The following PTPRJ variants were observed in gnomAD, a reference collection of about 807,000 sequenced individuals.
PTPRJ encodes receptor-type tyrosine-protein phosphatase eta.
Under a neutral mutation model 141.3 loss-of-function variants are expected in PTPRJ, and 129 were observed. The observed-to-expected ratio is 0.91, with a 90% confidence interval of 0.79 to 1.06. The LOEUF is 1.06. PTPRJ is among the 50% of genes least tolerant of loss of function. PTPRJ has a pLI of 0.00. For missense variants in PTPRJ, 1,601 were observed against 1,679.7 expected (o/e 0.95, Z 0.82); for synonymous variants, 610 against 640.5 (o/e 0.95, Z 0.72).
At position 48,150,127 on chromosome 11, in the gene PTPRJ, G is replaced by C. The variant is rs764657405; in HGVS notation, c.3082G>C (p.Ala1028Pro). 2.5e-6 allele frequency: 4 copies of C among 1,613,812 alleles called. No individual in the cohort carries two copies. In the African/African-American group the frequency reaches 5.3e-5, roughly 22 times the overall value. Reference sequence around the variant, plus strand: ...GTTAATCAGAGTGGAGAATTTTGAGGCCTACTTCAAGAAGCAGCAAGCTGA... The same window carrying C: ...GTTAATCAGAGTGGAGAATTTTGAGCCCTACTTCAAGAAGCAGCAAGCTGA... ...SKLIRVENFE[A>P]YFKKQQADSN... Residue 1028 changes from alanine to proline, a missense_variant, in exon 18 of 25, where the codon GCC (alanine) becomes CCC (proline). Transcript: ENST00000418331.
intron 1 of PTPRJ, among the ~76,000 whole-genome samples, chr11:48,084,677 G>T (rs1268326870): frequency 6.6e-6 from 1 of 152,148 alleles, no homozygotes; most frequent in Non-Finnish European, 1.5e-5. Context: ...GTTCATGTGA[G>T]CTCTGAAAGT....
At chr11:47,985,370 C>T (rs1854023034) in intron 1 of PTPRJ, among the ~76,000 whole-genome samples, 1 of 150,534 alleles carries the variant, frequency 6.6e-6, no homozygotes, top group Non-Finnish European at 1.5e-5. Flanking sequence ...GGTCTTGAAC[C>T]TCTGGGCTCA....
intron 1 of PTPRJ, among the ~76,000 whole-genome samples, chr11:47,992,658 G>C (rs1394019810): frequency 1.3e-5 from 2 of 152,138 alleles, no homozygotes; most frequent in Non-Finnish European, 2.9e-5. Flanking sequence ...CTTAAGTAAA[G>C]TTTGGAAAAC....
chr11:48,012,480 T>C (rs890869459), intron 1 of PTPRJ, among the ~76,000 whole-genome samples: 3 of 151,890 alleles, frequency 2.0e-5, no homozygotes, highest in African/African-American at 7.3e-5. Context: ...GTCCCCAGAG[T>C]CCAGGAACTC....
At chr11:48,065,316 C>G (rs1175808102) in intron 1 of PTPRJ, among the ~76,000 whole-genome samples, 1 of 152,054 alleles carries the variant, frequency 6.6e-6, no homozygotes, top group Non-Finnish European at 1.5e-5. Flanking sequence ...GCCTGGCCAA[C>G]TGCTTTGGTT....
chr11:48,159,123 G>GGGTGTGTGTGTCTGTA (rs1555058316), intron 21 of PTPRJ, among the ~76,000 whole-genome samples: 1 of 139,468 alleles, frequency 7.2e-6, no homozygotes, highest in Non-Finnish European at 1.5e-5. Context: ...TGTATGTGGG[G>GGGTGTGTGTGTCTGTA]TGTGTGTGTG....
At chr11:48,111,000 G>A (rs1856423653) in intron 2 of PTPRJ, among the ~76,000 whole-genome samples, 1 of 152,144 alleles carries the variant, frequency 6.6e-6, no homozygotes, top group Admixed American at 6.5e-5. Flanking sequence ...TTGAAGGCCG[G>A]GCCTGGTGGC....
chr11:48,123,972 G>C, intron 5 of PTPRJ, 102 bp downstream of exon 5: 1 of 1,334,060 alleles, frequency 7.5e-7, no homozygotes, highest in Non-Finnish European at 1.0e-6. Flanking sequence ...TGGAGATTTA[G>C]AATTTATAAA....
At chr11:48,023,641 G>A (rs1162039994) in intron 1 of PTPRJ, among the ~76,000 whole-genome samples, 1 of 151,996 alleles carries the variant, frequency 6.6e-6, no homozygotes, top group East Asian at 1.9e-4. Context: ...AATTAGCTGG[G>A]TGTGGTGGTG....
chr11:48,054,251 T>C (rs1325812590), intron 1 of PTPRJ, among the ~76,000 whole-genome samples: 2 of 152,156 alleles, frequency 1.3e-5, no homozygotes, highest in African/African-American at 2.4e-5. Context: ...ACAAAATATA[T>C]ATGGCCAAAC....
At chr11:48,128,981 G>A (rs191313199) in intron 7 of PTPRJ, among the ~76,000 whole-genome samples, 42 of 152,218 alleles carry the variant, frequency 2.8e-4, no homozygotes, top group African/African-American at 8.7e-4. Context: ...GTTCAGCCAC[G>A]AATAACACCA....
chr11:48,059,620 A>C (rs1417695875), intron 1 of PTPRJ, among the ~76,000 whole-genome samples: 4 of 152,230 alleles, frequency 2.6e-5, no homozygotes, highest in Non-Finnish European at 4.4e-5. Context: ...CACCTGGGAT[A>C]GAGCAGGAGC....
In PTPRJ at chr11:48,157,116, G is replaced by A. The variant is rs1317703158; in HGVS notation, c.3438+997G>A. Among the ~76,000 whole-genome samples, 6 of 151,994 alleles carry A rather than the reference G, an allele frequency of 3.9e-5. No homozygotes were observed. The East Asian group carries it at 5.8e-4, about 15-fold the overall frequency. On this transcript the variant is annotated intron_variant, in intron 21 of 24. Coordinates refer to ENST00000418331, the MANE Select transcript of PTPRJ (RefSeq NM_002843.4). ...CGATTCTCCTGCCTCAGCCTCCCAA[G>A]TAGCTGGGATTACAGGCAGGCGCCA...
intron 1 of PTPRJ, among the ~76,000 whole-genome samples, chr11:48,088,611 C>G (rs1331859533): frequency 1.3e-5 from 2 of 152,120 alleles, no homozygotes; most frequent in Non-Finnish European, 2.9e-5. Context: ...GTCCAGTGGG[C>G]CTTCTATGGG....
chr11:47,986,263 G>A (rs1255840496), intron 1 of PTPRJ, among the ~76,000 whole-genome samples: 2 of 152,136 alleles, frequency 1.3e-5, no homozygotes, highest in East Asian at 3.8e-4. Context: ...CTGGGGTCTG[G>A]GATGGAAAGA....
At position 48,102,198 on chromosome 11, in the gene PTPRJ, A is replaced by C. The variant is rs114432587; in HGVS notation, c.97-7860A>C. 3.8e-3 allele frequency among the ~76,000 whole-genome samples: 572 copies of C among 152,258 alleles called. 3 individuals carry two copies. Among genetic ancestry groups the C allele is most frequent in the African/African-American group, 0.013 (546 of 41,558 alleles). ...TCGCATGCTCATGTTTGATAGAGAA[A>C]ATCAACATCGTGGGGGCAGTGTTGC... On this transcript the variant is annotated intron_variant, in intron 1 of 24. Transcript: ENST00000418331.
rs76282435 is a variant in PTPRJ at position 48,137,263 on chromosome 11, C to T, written c.2134C>T (p.Arg712Trp). 268 of 1,614,050 alleles carry T rather than the reference C, an allele frequency of 1.7e-4. 1 individual carries two copies. The African/African-American group carries it at 2.3e-3, about 14-fold the overall frequency. The change falls in exon 10 of 25, where the codon CGG (arginine) becomes TGG (tryptophan). Residue 712 changes from arginine to tryptophan, a missense_variant. Physicochemically the swap from Arg to Trp is moderately radical, Grantham distance 101. Transcript: ENST00000418331. ...GDGIKSLEPG[R>W]KSFCTDPASM... Reference sequence around the variant, plus strand: ...TGGGATCAAGTCACTGGAACCTGGCCGGAAGTCATTCTGTACAGGTGAGTG... The same window carrying T: ...TGGGATCAAGTCACTGGAACCTGGCTGGAAGTCATTCTGTACAGGTGAGTG...
chr11:48,030,733 A>G (rs890774025), intron 1 of PTPRJ, among the ~76,000 whole-genome samples: 1 of 152,150 alleles, frequency 6.6e-6, no homozygotes, highest in Non-Finnish European at 1.5e-5. Flanking sequence ...ACAGAGCGAG[A>G]CTCTGTCTCA....
At chr11:48,067,783 A>G (rs1374956667) in intron 1 of PTPRJ, among the ~76,000 whole-genome samples, 1 of 152,200 alleles carries the variant, frequency 6.6e-6, no homozygotes. Flanking sequence ...GATAAGCAGG[A>G]TATTAGAAGG....
Sources: allele counts gnomAD v4.1 joint callset (sites outside exome capture counted in the v4.1 genomes callset), GRCh38; gene constraint gnomAD v4.1.1; transcripts MANE v1.5; gene names NCBI Gene and HGNC (gene_info 2026-07-23, HGNC 2026-07-21).